Variants in CSMD2 observed in about 807,000 individuals in gnomAD.
CSMD2 encodes the protein CUB and Sushi multiple domains 2, also known as CUB and sushi domain-containing protein 2.
In CSMD2, 130 loss-of-function variants were observed where a neutral mutation model predicts 398.5. The ratio of observed to expected loss-of-function variants is 0.33; its 90% CI spans 0.28 to 0.38. CSMD2 has a LOEUF of 0.38. Among genes scored for constraint, CSMD2 ranks in the 10% least tolerant of loss-of-function variants. The pLI is 1.00. For synonymous variants in CSMD2, 1,828 were observed against 1,908.5 expected (o/e 0.96, Z 1.10); for missense variants, 3,829 against 4,764.9 (o/e 0.80, Z 5.78).
At chr1:34,026,998 C>T (rs1370300880) in intron 3 of CSMD2, among the ~76,000 whole-genome samples, 2 of 152,086 alleles carry the variant, frequency 1.3e-5, no homozygotes, top group South Asian at 2.1e-4. Context: ...TTTAAATGAA[C>T]ATTTATCTAA....
chr1:33,876,977 T>C (rs1423310367), intron 5 of CSMD2, among the ~76,000 whole-genome samples: 2 of 152,178 alleles, frequency 1.3e-5, no homozygotes, highest in African/African-American at 4.8e-5. Flanking sequence ...TAGTATTGCC[T>C]TATTAGTATT....
chr1:33,689,216 G>A (rs1282666214), intron 25 of CSMD2, among the ~76,000 whole-genome samples: 1 of 152,084 alleles, frequency 6.6e-6, no homozygotes, highest in Non-Finnish European at 1.5e-5. Flanking sequence ...GGCAGACTGG[G>A]GTGGGAGAAT....
At chr1:33,739,947 C>T (rs1007416759) in intron 14 of CSMD2, among the ~76,000 whole-genome samples, 3 of 152,108 alleles carry the variant, frequency 2.0e-5, no homozygotes, top group African/African-American at 4.8e-5. Context: ...AGAGTCAGAA[C>T]GCTGTAGATT....
chr1:33,873,002 T>G (rs1640583034), intron 5 of CSMD2, among the ~76,000 whole-genome samples: 1 of 152,220 alleles, frequency 6.6e-6, no homozygotes, highest in African/African-American at 2.4e-5. Context: ...AGTAGCAGTG[T>G]TTATAGCCAT....
intron 2 of CSMD2, among the ~76,000 whole-genome samples, chr1:34,065,515 T>G (rs1384865240): frequency 6.6e-6 from 1 of 152,146 alleles, no homozygotes. Context: ...GGCTGCACAG[T>G]GCACAGAGCA....
chr1:33,911,247 C>T (rs915258982), intron 5 of CSMD2, among the ~76,000 whole-genome samples: 1 of 152,120 alleles, frequency 6.6e-6, no homozygotes, highest in Non-Finnish European at 1.5e-5. Flanking sequence ...CATGAATGAG[C>T]TAAACCAATG....
intron 10 of CSMD2, among the ~76,000 whole-genome samples, chr1:33,804,161 G>C (rs1300400318): frequency 6.6e-6 from 1 of 152,192 alleles, no homozygotes; most frequent in East Asian, 1.9e-4. Flanking sequence ...TTAGCTTAGA[G>C]CTTGTAATGG....
chr1:33,556,388 C>T (rs189450285), intron 55 of CSMD2, among the ~76,000 whole-genome samples: 28 of 152,182 alleles, frequency 1.8e-4, no homozygotes, highest in Admixed American at 4.6e-4. Flanking sequence ...GCCACGAGGG[C>T]GTAAAAAAAT....
intron 64 of CSMD2, 96 bp from the exon 65 acceptor site, chr1:33,527,354 G>A: frequency 1.1e-6 from 1 of 939,660 alleles, no homozygotes; most frequent in Non-Finnish European, 1.6e-6. Context: ...AGGTCAATGG[G>A]TTCTTTGAGA....
chr1:33,729,362 C>G (rs1646644930), intron 15 of CSMD2, among the ~76,000 whole-genome samples: 1 of 151,908 alleles, frequency 6.6e-6, no homozygotes. Context: ...GTCCAGTGAC[C>G]TATTTAATCA....
chr1:34,048,306 C>T lies in CSMD2; in HGVS notation c.405-15600G>A, dbSNP rs140760834. Among the ~76,000 whole-genome samples the T allele has an allele frequency of 8.3e-3, 1,265 of 152,314 alleles. 21 individuals carry two copies. The highest frequency in any genetic ancestry group is 0.029 in the African/African-American group (1,198 of 41,564). On this transcript the variant is annotated intron_variant, in intron 2 of 70. Coordinates refer to ENST00000373381, the MANE Select transcript of CSMD2 (RefSeq NM_001281956.2). ...GACATCACCCATTTAGGAATGGAAACTGCTCTCTGTCAAGGCAGCCCTTAA... is the reference window on the plus strand; with the variant it reads ...GACATCACCCATTTAGGAATGGAAATTGCTCTCTGTCAAGGCAGCCCTTAA...
intron 13 of CSMD2, among the ~76,000 whole-genome samples, chr1:33,765,500 T>TG: frequency 6.6e-6 from 1 of 152,350 alleles, no homozygotes; most frequent in South Asian, 2.1e-4. Flanking sequence ...TAAATTGTGT[T>TG]GGAAAACTGC....
intron 2 of CSMD2, among the ~76,000 whole-genome samples, chr1:34,041,997 G>C (rs988764409): frequency 6.6e-6 from 1 of 152,196 alleles, no homozygotes; most frequent in Non-Finnish European, 1.5e-5. Context: ...GAACATACCT[G>C]GTTGAATCTT....
intron 13 of CSMD2, among the ~76,000 whole-genome samples, chr1:33,769,933 C>T (rs1399391857): frequency 6.6e-6 from 1 of 152,204 alleles, no homozygotes; most frequent in South Asian, 2.1e-4. Context: ...CATTTATGAG[C>T]GCTTTGTAAA....
rs1394587563 is a variant in CSMD2 at position 33,869,869 on chromosome 1, C to T, written c.921-22873G>A. Among the ~76,000 whole-genome samples, 2 of 152,228 alleles carry T rather than the reference C, an allele frequency of 1.3e-5. 1 individual carries two copies. On this transcript the variant is annotated intron_variant, in intron 5 of 70. Transcript: ENST00000373381. ...ATCAGTTCATCAGTAATAAAGGTGACATGCTGATCCTCATCTGTTTTTCTC... is the reference window on the plus strand; with the variant it reads ...ATCAGTTCATCAGTAATAAAGGTGATATGCTGATCCTCATCTGTTTTTCTC...
chr1:33,800,060 C>A (rs1205406464), intron 10 of CSMD2, among the ~76,000 whole-genome samples: 4 of 152,210 alleles, frequency 2.6e-5, no homozygotes, highest in Admixed American at 1.3e-4. Flanking sequence ...AGAGGCCCTG[C>A]CACAATGCTG....
chr1:33,614,228 C>T (rs1038036362), intron 40 of CSMD2, among the ~76,000 whole-genome samples: 9 of 150,454 alleles, frequency 6.0e-5, no homozygotes, highest in Admixed American at 4.7e-4. Flanking sequence ...AGGTATAATC[C>T]GAGTAATTTC....
intron 3 of CSMD2, among the ~76,000 whole-genome samples, chr1:34,011,562 A>G (rs759088919): frequency 4.1e-4 from 63 of 152,156 alleles, no homozygotes; most frequent in Non-Finnish European, 6.8e-4. Flanking sequence ...TGAAAAGCCT[A>G]TAAGTGTATT....
chr1:33,808,743 A>C (rs963155062), intron 10 of CSMD2, among the ~76,000 whole-genome samples: 5 of 151,954 alleles, frequency 3.3e-5, no homozygotes, highest in African/African-American at 9.7e-5. Flanking sequence ...ATGAGAGCAG[A>C]AACTGACAAA....
Sources: allele counts gnomAD v4.1 joint callset (sites outside exome capture counted in the v4.1 genomes callset), GRCh38; gene constraint gnomAD v4.1.1; transcripts MANE v1.5; gene names NCBI Gene and HGNC (gene_info 2026-07-23, HGNC 2026-07-21).